TRHDE: variants seen among roughly 807,000 people sequenced by gnomAD.
TRHDE encodes the protein thyrotropin-releasing hormone-degrading ectoenzyme.
A neutral mutation model predicts 125.7 loss-of-function variants in TRHDE; 72 were observed. The observed-to-expected ratio is 0.57, with a 90% CI of 0.47 to 0.70. The LOEUF is 0.70. TRHDE is among the 30% of genes least tolerant of loss of function. The pLI is 0.00. For missense variants in TRHDE, 1,110 were observed against 1,327.1 expected (o/e 0.84, Z 2.54); for synonymous variants, 509 against 509.1 (o/e 1.00, Z 0.00).
Position 72,584,171 on chromosome 12 carries a change from A to G in TRHDE, c.2321+8629A>G, listed in dbSNP as rs1357043799. ...TACCAAATTTGTGTTTCATCTCTATAGTAGAAAATGTTTTAATATTAATGC... is the reference window on the plus strand; with the variant it reads ...TACCAAATTTGTGTTTCATCTCTATGGTAGAAAATGTTTTAATATTAATGC... On this transcript the variant is annotated intron_variant, in intron 12 of 18. Coordinates refer to ENST00000261180, the MANE Select transcript of TRHDE (RefSeq NM_013381.3). Among the ~76,000 whole-genome samples the G allele has an allele frequency of 3.3e-5, 5 of 152,290 alleles. No individual in the cohort carries two copies. The East Asian group carries it at 7.7e-4, about 24-fold the overall frequency.
At chr12:72,497,593 A>G (rs1877974934) in intron 5 of TRHDE, among the ~76,000 whole-genome samples, 1 of 152,152 alleles carries the variant, frequency 6.6e-6, no homozygotes, top group Non-Finnish European at 1.5e-5. Flanking sequence ...ATTTCTTATA[A>G]ACAAAAGTGT....
chr12:72,637,489 G>C (rs1386069001), intron 15 of TRHDE, among the ~76,000 whole-genome samples: 1 of 151,826 alleles, frequency 6.6e-6, no homozygotes, highest in African/African-American at 2.4e-5. Context: ...AGGGTTTTTT[G>C]TGTCTCTATG....
chr12:72,404,518 C>T (rs1029719361), intron 3 of TRHDE, among the ~76,000 whole-genome samples: 1 of 152,158 alleles, frequency 6.6e-6, no homozygotes, highest in Non-Finnish European at 1.5e-5. Context: ...GTTTAATTGA[C>T]TCACAGTTTC....
chr12:72,483,786 ACTT>A (rs1877281941), intron 5 of TRHDE, among the ~76,000 whole-genome samples: 3 of 152,030 alleles, frequency 2.0e-5, no homozygotes, highest in Admixed American at 6.6e-5. Context: ...AAATATAAAG[ACTT>A]CTTATTATCT....
At chr12:72,486,992 C>T (rs564184557) in intron 5 of TRHDE, among the ~76,000 whole-genome samples, 3 of 152,030 alleles carry the variant, frequency 2.0e-5, no homozygotes, top group African/African-American at 7.2e-5. Context: ...ATTTATGGAG[C>T]TGTAGAGTTC....
At position 72,512,434 on chromosome 12, in the gene TRHDE, AAT is replaced by A. The variant is rs1317555196; in HGVS notation, c.1722+12802_1722+12803del. On this transcript the variant is annotated intron_variant, in intron 6 of 18. Transcript: ENST00000261180. ...TATAACTATATAATATATATTATAT[AAT>A]ATGTTATAATTATATAATTATAATA... Among the ~76,000 whole-genome samples the A allele has an allele frequency of 3.3e-4, 35 of 106,856 alleles. No homozygotes were observed. In the East Asian group the frequency reaches 9.6e-3, roughly 29 times the overall value. The allele number at this position is 106,856 out of a possible 152,430, so 70.1% of individuals were successfully genotyped here.
chr12:72,200,238 G>T (rs960499293), intron 2 of TRHDE, among the ~76,000 whole-genome samples: 1 of 152,186 alleles, frequency 6.6e-6, no homozygotes. Context: ...AGCCAAACAG[G>T]TTTGTGTAGT....
chr12:72,339,864 C>G (rs1012462794), intron 2 of TRHDE, among the ~76,000 whole-genome samples: 1 of 152,122 alleles, frequency 6.6e-6, no homozygotes, highest in Non-Finnish European at 1.5e-5. Flanking sequence ...CCACAGGGAC[C>G]TTATTCAGCC....
chr12:72,345,604 A>G (rs1221598974), intron 2 of TRHDE, among the ~76,000 whole-genome samples: 1 of 152,142 alleles, frequency 6.6e-6, no homozygotes, highest in Non-Finnish European at 1.5e-5. Flanking sequence ...AAATATAACA[A>G]TGGACTTTTG....
intron 2 of TRHDE, among the ~76,000 whole-genome samples, chr12:72,141,413 T>A (rs988636936): frequency 2.6e-5 from 4 of 152,194 alleles, no homozygotes; most frequent in Non-Finnish European, 5.9e-5. Flanking sequence ...GAAAGACTTT[T>A]GTGACCTGTG....
At chr12:72,608,127 T>C (rs1392798285) in intron 12 of TRHDE, among the ~76,000 whole-genome samples, 2 of 152,084 alleles carry the variant, frequency 1.3e-5, no homozygotes, top group Admixed American at 1.3e-4. Flanking sequence ...TATCTCTGGG[T>C]TTCATTTCAG....
chr12:72,582,854 A>G (rs2136038269), intron 12 of TRHDE, among the ~76,000 whole-genome samples: 1 of 152,288 alleles, frequency 6.6e-6, no homozygotes. Context: ...CTAATGCTTT[A>G]TAACTGTTGA....
chr12:72,389,904 A>G (rs139357728), intron 3 of TRHDE, among the ~76,000 whole-genome samples: 195 of 152,322 alleles, frequency 1.3e-3, no homozygotes, highest in African/African-American at 4.3e-3. Flanking sequence ...GCATTAATCT[A>G]AGAAATAATG....
chr12:72,614,330 A>ATATATATAT (rs531067163), intron 12 of TRHDE, among the ~76,000 whole-genome samples: 4 of 129,842 alleles, frequency 3.1e-5, no homozygotes, highest in Non-Finnish European at 3.1e-5. Context: ...ATATATATAT[A>ATATATATAT]TTTTTTTTTT....
chr12:72,399,087 G>A (rs1872926006), intron 3 of TRHDE, among the ~76,000 whole-genome samples: 1 of 152,110 alleles, frequency 6.6e-6, no homozygotes, highest in Non-Finnish European at 1.5e-5. Flanking sequence ...GCCCATGCAA[G>A]GGATCTTTAG....
At chr12:72,547,354 C>G (rs1466422033) in intron 7 of TRHDE, among the ~76,000 whole-genome samples, 1 of 151,706 alleles carries the variant, frequency 6.6e-6, no homozygotes, top group African/African-American at 2.4e-5. Flanking sequence ...AACCTCATAA[C>G]TTCAATCCAG....
At chr12:72,244,204 C>T in intron 2 of TRHDE, among the ~76,000 whole-genome samples, 1 of 152,188 alleles carries the variant, frequency 6.6e-6, no homozygotes, top group South Asian at 2.1e-4. Flanking sequence ...TAGTGACTTT[C>T]TTATGTTGCC....
At chr12:72,367,633 C>G (rs1282486503) in intron 2 of TRHDE, among the ~76,000 whole-genome samples, 1 of 152,076 alleles carries the variant, frequency 6.6e-6, no homozygotes, top group Non-Finnish European at 1.5e-5. Flanking sequence ...TTTGTATCAC[C>G]CTGCTGCTTT....
chr12:72,250,592 T>C (rs1878659753), intron 2 of TRHDE, among the ~76,000 whole-genome samples: 1 of 152,016 alleles, frequency 6.6e-6, no homozygotes. Context: ...AAAATCTTTC[T>C]ATTAAGTTGC....
Sources: gnomAD v4.1 joint callset for allele counts (sites outside exome capture counted in the v4.1 genomes callset) on GRCh38, gnomAD v4.1.1 for gene constraint, MANE v1.5 for transcripts, NCBI Gene and HGNC (gene_info 2026-07-23, HGNC 2026-07-21) for gene names.